GALNT13: variants seen among roughly 807,000 people sequenced by gnomAD.
The protein encoded by GALNT13 is polypeptide N-acetylgalactosaminyltransferase 13.
GALNT13 carries 28 observed loss-of-function variants against 64.2 expected under a neutral mutation model. That is an observed-to-expected ratio of 0.44 (90% CI 0.32 to 0.60). The LOEUF (loss-of-function observed/expected upper bound fraction) is 0.60, where lower values mean the gene tolerates loss of function less well. Ranked by LOEUF, GALNT13 falls within the 20% of genes least tolerant of loss-of-function variation. The pLI, the probability that GALNT13 is intolerant of heterozygous loss-of-function variation, is 0.05. For missense variants in GALNT13, 577 were observed against 669.8 expected (o/e 0.86, Z 1.53); for synonymous variants, 214 against 224.6 (o/e 0.95, Z 0.42).
chr2:154,237,694 A>T (rs1211277931), intron 4 of GALNT13, among the ~76,000 whole-genome samples: 4 of 151,454 alleles, frequency 2.6e-5, no homozygotes, highest in Non-Finnish European at 5.9e-5. Context: ...TTTTCATTTT[A>T]TGTGTCTGAA....
chr2:153,965,050 G>A (rs556304236), intron 3 of GALNT13, among the ~76,000 whole-genome samples: 65 of 152,172 alleles, frequency 4.3e-4, no homozygotes, highest in African/African-American at 1.4e-3. Flanking sequence ...GTAATGGAAA[G>A]GATGTTTCAA....
chr2:153,966,691 A>T (rs1693385196), intron 3 of GALNT13, among the ~76,000 whole-genome samples: 1 of 150,078 alleles, frequency 6.7e-6, no homozygotes, highest in Admixed American at 6.6e-5. Context: ...TTTATCCTTG[A>T]CCTTTGGGAA....
intron 11 of GALNT13, among the ~76,000 whole-genome samples, chr2:154,411,745 A>G (rs1420196749): frequency 6.6e-6 from 1 of 151,786 alleles, no homozygotes; most frequent in Non-Finnish European, 1.5e-5. Flanking sequence ...TTCTGCATAC[A>G]GTAGTACATG....
rs796725089 is a variant in GALNT13, at chr2:153,961,665, T to C, written c.142+17026T>C. Among the ~76,000 whole-genome samples, 14 of 152,236 alleles carry C rather than the reference T, an allele frequency of 9.2e-5. 1 individual carries two copies. The highest frequency in any genetic ancestry group is 3.4e-4 in the African/African-American group (14 of 41,556). On this transcript the variant is annotated intron_variant, in intron 3 of 12. Transcript: ENST00000392825. ...GCAAAATGCTTTCAAAAATTAATAATCTTTAAAAAATGGAAATAAAAGCTA... is the reference window on the plus strand; with the variant it reads ...GCAAAATGCTTTCAAAAATTAATAACCTTTAAAAAATGGAAATAAAAGCTA...
rs1417591613 is a variant in GALNT13, at chr2:154,205,640, A to AT, written c.312-36389dup. Among the ~76,000 whole-genome samples, 3 of 152,172 alleles carry AT rather than the reference A, an allele frequency of 2.0e-5. No homozygotes were observed. In the East Asian group the frequency reaches 5.8e-4, roughly 29 times the overall value. ...TCCATATGGCTGGGGAGGCCTCACA[A>AT]TCATGGAGGAAGGCAAGGAGGAGCA... On this transcript the variant is annotated intron_variant, in intron 4 of 12. Transcript: ENST00000392825.
intron 4 of GALNT13, 150 bp downstream of exon 4, chr2:154,140,655 G>A (rs1251516434): frequency 4.2e-6 from 2 of 472,736 alleles, no homozygotes; most frequent in Admixed American, 8.1e-5. Context: ...GCATGCATAT[G>A]CTGAAAAAGG....
intron 4 of GALNT13, among the ~76,000 whole-genome samples, chr2:154,152,023 C>A (rs1227229305): frequency 6.6e-6 from 1 of 152,118 alleles, no homozygotes. Context: ...TTCTTCCTAG[C>A]CTCAATGGTC....
chr2:153,116,839 C>T, the GALNT13 span, among the ~76,000 whole-genome samples: 1 of 129,764 alleles, frequency 7.7e-6, no homozygotes, highest in African/African-American at 2.8e-5. Context: ...TCACTCTGTC[C>T]CCCAGGCTGG....
intron 3 of GALNT13, among the ~76,000 whole-genome samples, chr2:154,101,870 T>G (rs1364835454): frequency 6.6e-6 from 1 of 152,164 alleles, no homozygotes; most frequent in Non-Finnish European, 1.5e-5. Context: ...AAAAGATGTT[T>G]TGATATCCAC....
chr2:154,361,732 T>C (rs1016692074), intron 9 of GALNT13, among the ~76,000 whole-genome samples: 4 of 152,090 alleles, frequency 2.6e-5, no homozygotes, highest in African/African-American at 7.2e-5. Context: ...ATCCACTTAA[T>C]TTCTGGGCCT....
At chr2:153,977,040 G>A (rs1252051793) in intron 3 of GALNT13, among the ~76,000 whole-genome samples, 1 of 151,924 alleles carries the variant, frequency 6.6e-6, no homozygotes, top group Non-Finnish European at 1.5e-5. Context: ...TATTGCTTTT[G>A]TCAATAAGGG....
the GALNT13 span, chr2:153,420,619 A>C: frequency 1.9e-4 from 40 of 209,414 alleles, no homozygotes; most frequent in African/African-American, 8.4e-4. Flanking sequence ...GCTAATGTCA[A>C]AGCTGAAATT....
At chr2:153,095,349 A>G in the GALNT13 span, among the ~76,000 whole-genome samples, 1 of 152,242 alleles carries the variant, frequency 6.6e-6, no homozygotes, top group Non-Finnish European at 1.5e-5. Flanking sequence ...ATGCCATCTC[A>G]TACCAGTTAG....
At chr2:153,703,272 T>C in the GALNT13 span, among the ~76,000 whole-genome samples, 1 of 152,206 alleles carries the variant, frequency 6.6e-6, no homozygotes, top group Non-Finnish European at 1.5e-5. Context: ...TAAAATATAA[T>C]CTTAATTTTT....
the GALNT13 span, among the ~76,000 whole-genome samples, chr2:153,816,797 A>G: frequency 1.1e-4 from 17 of 152,316 alleles, no homozygotes; most frequent in African/African-American, 4.1e-4. Flanking sequence ...AAATTCCAAA[A>G]TTCTAAAAGT....
the GALNT13 span, among the ~76,000 whole-genome samples, chr2:153,252,778 T>C: frequency 6.6e-6 from 1 of 152,226 alleles, no homozygotes; most frequent in Admixed American, 6.5e-5. Flanking sequence ...GATCTGATAG[T>C]TGTAGATATG....
chr2:153,869,112 G>T (rs1325037025), upstream of GALNT13, among the ~76,000 whole-genome samples: 1 of 151,936 alleles, frequency 6.6e-6, no homozygotes, highest in East Asian at 1.9e-4. Flanking sequence ...GGTATTTCTG[G>T]ACCTTACAAC....
chr2:154,101,755 A>G (rs1365780714), intron 3 of GALNT13, among the ~76,000 whole-genome samples: 1 of 151,904 alleles, frequency 6.6e-6, no homozygotes, highest in Non-Finnish European at 1.5e-5. Context: ...TATTAATTTG[A>G]TATCTTTCTT....
rs540816756 is a variant in GALNT13, at chr2:153,989,375, T to C, written c.142+44736T>C. On this transcript the variant is annotated intron_variant, in intron 3 of 12. Transcript: ENST00000392825. ...AAATTAAGAGAGAGTGGAAAGTTCT[T>C]AGTTTGCCTGATTAATTATCTATAT... Among the ~76,000 whole-genome samples, 6 of 151,978 alleles carry C rather than the reference T, an allele frequency of 3.9e-5. No homozygotes were observed. The South Asian group carries it at 1.2e-3, about 31-fold the overall frequency.
Sources: allele counts gnomAD v4.1 joint callset (sites outside exome capture counted in the v4.1 genomes callset), GRCh38; gene constraint gnomAD v4.1.1; transcripts MANE v1.5; gene names NCBI Gene and HGNC (gene_info 2026-07-23, HGNC 2026-07-21).